The following SEPTIN10 variants were observed in gnomAD, a reference collection of about 807,000 sequenced individuals.
SEPTIN10 encodes septin 10.
A neutral mutation model predicts 54.8 loss-of-function variants in SEPTIN10; 66 were observed. The ratio of observed to expected loss-of-function variants is 1.21; its 90% CI spans 0.99 to 1.48. The LOEUF is 1.48. Among genes scored for constraint, SEPTIN10 ranks in the 40% most tolerant of loss-of-function variants. The probability of loss-of-function intolerance (pLI) is 0.00; values close to 1 mark genes in which losing one functional copy is unlikely to be tolerated. For missense variants in SEPTIN10, 620 were observed against 545.6 expected (o/e 1.14, Z -1.36); for synonymous variants, 161 against 181.0 (o/e 0.89, Z 0.89).
intron 9 of SEPTIN10, among the ~76,000 whole-genome samples, chr2:109,550,497 A>G (rs1233787057): frequency 6.6e-6 from 1 of 151,806 alleles, no homozygotes; most frequent in Admixed American, 6.6e-5. Context: ...TATTTTTAGT[A>G]GAGATGGGGT....
At chr2:109,553,266 C>A (rs372784312) in intron 8 of SEPTIN10, 47 bp from the exon 9 acceptor site, 184 of 1,600,400 alleles carry the variant, frequency 1.1e-4, no homozygotes, top group Middle Eastern at 1.8e-4. Flanking sequence ...TGATATAGGT[C>A]GGGTATGGCG....
intron 1 of SEPTIN10, chr2:109,613,164 A>G: frequency 7.8e-7 from 1 of 1,289,120 alleles, no homozygotes; most frequent in Non-Finnish European, 1.0e-6. Context: ...ATTAACGAAA[A>G]TAGTTGTAAC....
At chr2:109,555,529 A>G (rs1013067416) in intron 8 of SEPTIN10, among the ~76,000 whole-genome samples, 6 of 152,332 alleles carry the variant, frequency 3.9e-5, no homozygotes, top group East Asian at 1.9e-4. Context: ...ACTGGAGGCT[A>G]TATTAGTAAA....
intron 9 of SEPTIN10, 121 bp from the exon 10 acceptor site, chr2:109,546,358 T>C: frequency 1.9e-6 from 1 of 535,366 alleles, no homozygotes; most frequent in Non-Finnish European, 3.1e-6. Flanking sequence ...ACAGTCAAAA[T>C]CTTTCTGAAG....
chr2:109,561,265 C>T (rs568482623), intron 8 of SEPTIN10, among the ~76,000 whole-genome samples: 4 of 152,196 alleles, frequency 2.6e-5, no homozygotes, highest in Non-Finnish European at 5.9e-5. Flanking sequence ...GCTCTGTTTT[C>T]CCCAAGTTAC....
rs757616182 is a variant in SEPTIN10, at chr2:109,574,661, C to T, written c.520G>A (p.Val174Met). Residue 174 changes from valine (V) to methionine (M), a missense_variant, in exon 5 of 11, where the codon GTG becomes ATG. Coordinates refer to ENST00000397712, the MANE Select transcript of SEPTIN10 (RefSeq NM_144710.5). ...GTCGGTGAAATGAAGTAGAGACACA[C>T]ATGGATGCGAGAATCATGGTAGGTA... Reference protein sequence around the residue: ...LFTYHDSRIHVCLYFISPTGH... With the variant: ...LFTYHDSRIHMCLYFISPTGH... 6 of 1,609,270 alleles carry T rather than the reference C, an allele frequency of 3.7e-6. No individual in the cohort carries two copies. In the Admixed American group the frequency reaches 5.1e-5, roughly 14 times the overall value.
chr2:109,572,094 CAA>C (rs1688524422), intron 5 of SEPTIN10, among the ~76,000 whole-genome samples: 1 of 152,146 alleles, frequency 6.6e-6, no homozygotes. Context: ...CTAATCTTCC[CAA>C]AAGTCTTAGA....
intron 10 of SEPTIN10, chr2:109,544,986 A>C: frequency 2.0e-6 from 2 of 985,462 alleles, no homozygotes; most frequent in Non-Finnish European, 2.4e-6. Flanking sequence ...AAAATCTGCC[A>C]AAGTCCTGTG....
At chr2:109,604,063 G>A (rs1697298695) in intron 1 of SEPTIN10, among the ~76,000 whole-genome samples, 2 of 151,230 alleles carry the variant, frequency 1.3e-5, no homozygotes, top group South Asian at 2.1e-4. Context: ...TCGGGAGGCT[G>A]AGGCAGGAGA....
chr2:109,608,406 A>G (rs758271276), intron 1 of SEPTIN10, among the ~76,000 whole-genome samples: 3 of 152,230 alleles, frequency 2.0e-5, no homozygotes, highest in Non-Finnish European at 4.4e-5. Context: ...CCATAAATAC[A>G]GACCACACAG....
intron 8 of SEPTIN10, among the ~76,000 whole-genome samples, chr2:109,559,861 C>T (rs1156434465): frequency 6.6e-6 from 1 of 151,320 alleles, no homozygotes; most frequent in Non-Finnish European, 1.5e-5. Context: ...CTGTTGCAGG[C>T]CTTCCCTTCA....
chr2:109,606,597 A>G (rs573364070), intron 1 of SEPTIN10, among the ~76,000 whole-genome samples: 105 of 151,454 alleles, frequency 6.9e-4, no homozygotes, highest in South Asian at 5.8e-3. Flanking sequence ...AGAGATTACT[A>G]GGCCACTAAA....
At chr2:109,556,637 C>T (rs1684442174) in intron 8 of SEPTIN10, among the ~76,000 whole-genome samples, 2 of 152,052 alleles carry the variant, frequency 1.3e-5, no homozygotes, top group Non-Finnish European at 2.9e-5. Flanking sequence ...TAGTATCAGG[C>T]CTTTTTTTTT....
chr2:109,589,343 G>A (rs1693406071), intron 2 of SEPTIN10, among the ~76,000 whole-genome samples: 4 of 151,922 alleles, frequency 2.6e-5, no homozygotes, highest in Admixed American at 2.6e-4. Context: ...AACCAACCTG[G>A]CCAGCATGAC....
chr2:109,572,284 C>T (rs141584566), intron 5 of SEPTIN10, among the ~76,000 whole-genome samples: 10 of 152,084 alleles, frequency 6.6e-5, no homozygotes, highest in African/African-American at 2.2e-4. Context: ...GCGCATGCCA[C>T]GACGCCCGGC....
chr2:109,564,695 G>A (rs924452659), intron 7 of SEPTIN10, among the ~76,000 whole-genome samples, 161 bp from the exon 8 acceptor site: 1 of 152,166 alleles, frequency 6.6e-6, no homozygotes, highest in Non-Finnish European at 1.5e-5. Flanking sequence ...TGTAACCAAG[G>A]AAGAAACTCT....
rs145132033 is a variant in SEPTIN10 at position 109,608,418 on chromosome 2, G to C, written c.30+5380C>G. On this transcript the variant is annotated intron_variant, in intron 1 of 10. Coordinates refer to ENST00000397712, the MANE Select transcript of SEPTIN10 (RefSeq NM_144710.5). ...TCCCCATAAATACAGACCACACAGAGGGCAGGATAAACTTGATCTGATTCT... is the reference window on the plus strand; with the variant it reads ...TCCCCATAAATACAGACCACACAGACGGCAGGATAAACTTGATCTGATTCT... Among the ~76,000 whole-genome samples, 795 of 152,270 alleles carry C rather than the reference G, an allele frequency of 5.2e-3. 9 individuals carry two copies. The highest frequency in any genetic ancestry group is 0.018 in the African/African-American group (740 of 41,554).
rs912852690 is a variant in SEPTIN10, at chr2:109,568,103, A to G, written c.601-127T>C. On this transcript the variant is annotated intron_variant, in intron 5 of 10. Transcript: ENST00000397712. The stretch of plus-strand genomic sequence containing the variant: ...CTAAACCTAGATCGGGGGGCTGGCA[A>G]ACTACGGTCCATCTCGCTGTTGATC... 3 of 673,982 alleles carry G rather than the reference A, an allele frequency of 4.5e-6. No homozygotes were observed. In the South Asian group the frequency reaches 6.1e-5, roughly 14 times the overall value. 41.8% of individuals were successfully genotyped at this position (673,982 alleles called of 1,614,324 possible). A position where few individuals can be genotyped will look rare whatever the true frequency, so the allele number is the denominator to read the frequency against.
At chr2:109,593,699 T>A (rs1012175693) in intron 1 of SEPTIN10, among the ~76,000 whole-genome samples, 2 of 152,106 alleles carry the variant, frequency 1.3e-5, no homozygotes, top group African/African-American at 4.8e-5. Context: ...CCACCACGCC[T>A]GGCCTTTTCA....
Sources: gnomAD v4.1 joint callset for allele counts (sites outside exome capture counted in the v4.1 genomes callset) on GRCh38, gnomAD v4.1.1 for gene constraint, MANE v1.5 for transcripts, NCBI Gene and HGNC (gene_info 2026-07-23, HGNC 2026-07-21) for gene names.